Variants in RIN2 observed in about 807,000 individuals in gnomAD.
RIN2 encodes RAB5 interacting protein 2.
In RIN2, 36 loss-of-function variants were observed where a neutral mutation model predicts 78.0. The observed-to-expected ratio is 0.46, with a 90% CI of 0.35 to 0.61. The LOEUF (loss-of-function observed/expected upper bound fraction) is 0.61, where lower values mean the gene tolerates loss of function less well. RIN2 is among the 20% of genes least tolerant of loss of function. The pLI, the probability that RIN2 is intolerant of heterozygous loss-of-function variation, is 0.00. For missense variants in RIN2, 1,087 were observed against 1,159.7 expected (o/e 0.94, Z 0.91); for synonymous variants, 466 against 466.8 (o/e 1.00, Z 0.02).
chr20:19,890,027 G>A (rs539642730), intron 3 of RIN2, among the ~76,000 whole-genome samples: 1 of 151,686 alleles, frequency 6.6e-6, no homozygotes, highest in African/African-American at 2.4e-5. Context: ...TCCTTGGCTT[G>A]TTTGTATGAA....
Position 19,990,261 on chromosome 20 carries a change from T to G in RIN2, c.2018T>G (p.Leu673Arg), listed in dbSNP as rs1335885847. 6.2e-7 allele frequency: 1 copy of G among 1,613,630 alleles called. No individual in the cohort carries two copies. Among genetic ancestry groups the G allele is most frequent in the Non-Finnish European group, 8.5e-7 (1 of 1,179,828 alleles). ...KMYSPEKKVM[L>R]LLRVCKLIYT... ...TATTCGCCGGAAAAGAAGGTCATGC[T>G]GCTGCTGCGGGTCTGCAAGCTCATT... The change falls in exon 10 of 13, where the codon CTG (leucine) becomes CGG (arginine). Residue 673 changes from leucine (L) to arginine (R), a missense_variant. This residue lies in a region of RIN2 where 97 missense variants were observed against 104.8 expected (regional missense o/e 0.93). Coordinates refer to ENST00000255006, the MANE Select transcript of RIN2 (RefSeq NM_018993.4).
intron 2 of RIN2, among the ~76,000 whole-genome samples, chr20:19,814,933 G>A (rs551118061): frequency 2.0e-5 from 3 of 152,114 alleles, no homozygotes; most frequent in African/African-American, 7.2e-5. Flanking sequence ...GCCATTTCTG[G>A]TGTTAGAATA....
chr20:19,972,347 G>A (rs2042134894), intron 8 of RIN2, among the ~76,000 whole-genome samples: 1 of 152,158 alleles, frequency 6.6e-6, no homozygotes, highest in Non-Finnish European at 1.5e-5. Flanking sequence ...ATGGTCCACA[G>A]GCTTAGTGAG....
At chr20:19,766,218 G>A (rs766355057) in intron 1 of RIN2, among the ~76,000 whole-genome samples, 1 of 152,010 alleles carries the variant, frequency 6.6e-6, no homozygotes, top group Non-Finnish European at 1.5e-5. Context: ...CACTGTCTCT[G>A]GGCACACCTC....
chr20:19,825,915 T>C (rs2036075971), intron 2 of RIN2, among the ~76,000 whole-genome samples: 1 of 152,236 alleles, frequency 6.6e-6, no homozygotes. Flanking sequence ...GTCCTATCTT[T>C]CCAAAGCATG....
intron 3 of RIN2, among the ~76,000 whole-genome samples, chr20:19,902,281 A>C (rs1448165019): frequency 6.6e-6 from 1 of 152,116 alleles, no homozygotes; most frequent in Non-Finnish European, 1.5e-5. Flanking sequence ...TGAGTCCTTG[A>C]GATGCTGACT....
At chr20:19,970,981 G>C in intron 8 of RIN2, 52 bp downstream of exon 8, 1 of 1,375,674 alleles carries the variant, frequency 7.3e-7, no homozygotes, top group African/African-American at 1.4e-5. Context: ...CCATGGAGCA[G>C]AGTCAATGGT....
intron 1 of RIN2, among the ~76,000 whole-genome samples, chr20:19,780,858 G>A (rs2034476633): frequency 6.6e-6 from 1 of 152,164 alleles, no homozygotes; most frequent in Non-Finnish European, 1.5e-5. Context: ...ACTGGCATGG[G>A]GTGTGCACTC....
At chr20:19,829,866 G>A (rs1332084722) in intron 2 of RIN2, among the ~76,000 whole-genome samples, 1 of 152,200 alleles carries the variant, frequency 6.6e-6, no homozygotes, top group Non-Finnish European at 1.5e-5. Flanking sequence ...ACAAAATGAT[G>A]CCCCTGACTC....
intron 9 of RIN2, among the ~76,000 whole-genome samples, chr20:19,982,131 C>G (rs182147890): frequency 4.3e-4 from 65 of 152,292 alleles, no homozygotes; most frequent in African/African-American, 1.3e-3. Flanking sequence ...CTAATTGACT[C>G]TATGTCAGGG....
chr20:19,931,709 C>CTTTTTTTTTTT (rs57734791), intron 3 of RIN2, among the ~76,000 whole-genome samples: 1 of 128,128 alleles, frequency 7.8e-6, no homozygotes, highest in Admixed American at 7.8e-5. Context: ...CTCGATTTGC[C>CTTTTTTTTTTT]TTTTTTTTTT....
rs930244710 is a variant in RIN2 at position 19,996,806 on chromosome 20, C to T, written c.2328C>T (p.Thr776=). 3.1e-6 allele frequency: 5 copies of T among 1,606,520 alleles called. No homozygotes were observed. The African/African-American group carries it at 4.0e-5, about 13-fold the overall frequency. ...TGAGGCAGTGGCACAAACGGAGAAC[C>T]ACCAACCGGACCATCCCCTCTGTGG... ...DTLRQWHKRR[T]TNRTIPSVDD... is the part of the protein sequence containing the mutation. Residue 776 remains threonine (T), a synonymous_variant, in exon 12 of 13, where the codon ACC becomes ACT. Coordinates refer to ENST00000255006, the MANE Select transcript of RIN2 (RefSeq NM_018993.4).
chr20:19,925,024 C>A (rs956302840), intron 3 of RIN2, among the ~76,000 whole-genome samples: 11 of 151,318 alleles, frequency 7.3e-5, no homozygotes, highest in African/African-American at 2.7e-4. Flanking sequence ...CAGGCGTGAG[C>A]CACTGCGCCC....
chr20:19,837,046 A>G (rs185285448), intron 2 of RIN2, among the ~76,000 whole-genome samples: 2 of 147,252 alleles, frequency 1.4e-5, no homozygotes, highest in East Asian at 3.9e-4. Flanking sequence ...AGCTTTATCT[A>G]TATAATTTCC....
chr20:19,933,481 C>T (rs569973284), intron 3 of RIN2, among the ~76,000 whole-genome samples: 2 of 152,300 alleles, frequency 1.3e-5, no homozygotes, highest in South Asian at 4.1e-4. Flanking sequence ...ATTACCTTCA[C>T]CTGTCTTCAT....
intron 3 of RIN2, among the ~76,000 whole-genome samples, chr20:19,890,962 C>A (rs1271322209): frequency 2.0e-5 from 3 of 152,226 alleles, no homozygotes; most frequent in Admixed American, 6.5e-5. Context: ...TGGCTCTTGA[C>A]AAGTAAACCC....
chr20:19,777,221 G>A (rs1486320664), intron 1 of RIN2, among the ~76,000 whole-genome samples: 1 of 152,170 alleles, frequency 6.6e-6, no homozygotes, highest in Non-Finnish European at 1.5e-5. Flanking sequence ...GGGCACAGGT[G>A]GAACCCCTGG....
At chr20:19,886,612 C>CTTTTTTTTTTTTT (rs11362637) in intron 2 of RIN2, 43 of 520,962 alleles carry the variant, frequency 8.3e-5, no homozygotes, top group South Asian at 3.4e-4. Flanking sequence ...TCTTCTTCTT[C>CTTTTTTTTTTTTT]TTTTTTTTTT....
At chr20:19,886,475 C>A (rs1233849931) in intron 2 of RIN2, 2 of 516,766 alleles carry the variant, frequency 3.9e-6, no homozygotes, top group South Asian at 6.4e-5. Flanking sequence ...TCACTTCCTG[C>A]CTTTGTCCAT....
Sources: allele counts gnomAD v4.1 joint callset (sites outside exome capture counted in the v4.1 genomes callset), GRCh38; gene constraint gnomAD v4.1.1; regional missense constraint gnomAD v4.1.1; transcripts MANE v1.5; gene names NCBI Gene and HGNC (gene_info 2026-07-23, HGNC 2026-07-21).